Variants in OSBPL6 observed in about 807,000 individuals in gnomAD.
OSBPL6 encodes the protein oxysterol-binding protein-related protein 6.
A neutral mutation model predicts 125.8 loss-of-function variants in OSBPL6; 49 were observed. The ratio of observed to expected loss-of-function variants is 0.39; its 90% CI spans 0.31 to 0.49. The LOEUF is 0.49. OSBPL6 is among the 20% of genes least tolerant of loss of function. The pLI, the probability that OSBPL6 is intolerant of heterozygous loss-of-function variation, is 0.88. For synonymous variants in OSBPL6, 394 were observed against 391.8 expected, an observed-to-expected ratio of 1.01 and a Z score of -0.07; for missense variants, 986 against 1,135.4, an observed-to-expected ratio of 0.87 and a Z score of 1.89.
intron 23 of OSBPL6, among the ~76,000 whole-genome samples, chr2:178,393,483 A>G (rs1695589099): frequency 6.6e-6 from 1 of 152,172 alleles, no homozygotes; most frequent in Non-Finnish European, 1.5e-5. Flanking sequence ...TCTGTTTCCC[A>G]TGTATTTGTG....
At chr2:178,342,811 T>C (rs1190986008) in intron 11 of OSBPL6, among the ~76,000 whole-genome samples, 1 of 152,126 alleles carries the variant, frequency 6.6e-6, no homozygotes, top group Admixed American at 6.6e-5. Flanking sequence ...TCCCTGGATG[T>C]TGAAGGGAAT....
intron 19 of OSBPL6, 142 bp downstream of exon 19, chr2:178,385,663 A>G: frequency 1.1e-5 from 7 of 653,742 alleles, no homozygotes; most frequent in Non-Finnish European, 1.8e-5. Flanking sequence ...GCTCATTTTG[A>G]GAAATCAAAA....
chr2:178,361,674 C>T lies in OSBPL6; in HGVS notation c.1154-8C>T, dbSNP rs186279644. The T allele has an allele frequency of 1.3e-5, 21 of 1,612,824 alleles. No homozygotes were observed. The East Asian group carries it at 4.7e-4, about 36-fold the overall frequency. On this transcript the variant is annotated splice_region_variant and splice_polypyrimidine_tract_variant and intron_variant, in intron 12 of 24. Transcript: ENST00000190611. ...TGACAGTTTTTTCTCACTTTTCTCC[C>T]CACCCAGTGCATTCTCTTTTGAAGT... is the stretch of plus-strand genomic sequence containing the variant.
Position 178,284,917 on chromosome 2 carries a change from T to C in OSBPL6, c.-350-10T>C, listed in dbSNP as rs1407122140. 7.5e-6 allele frequency: 3 copies of C among 397,562 alleles called. No homozygotes were observed. The highest frequency in any genetic ancestry group is 1.3e-5 in the Non-Finnish European group (3 of 225,588). The allele number at this position is 397,562 out of a possible 1,614,324, so 24.6% of individuals were successfully genotyped here. The stretch of plus-strand genomic sequence containing the variant: ...AGATGTACTATATGACTGTAATCTC[T>C]CTTTTTCAGGTTCTGCCACTTGCTG... On this transcript the variant is annotated splice_polypyrimidine_tract_variant and intron_variant, in intron 1 of 24. Coordinates refer to ENST00000190611, the MANE Select transcript of OSBPL6 (RefSeq NM_032523.4).
At chr2:178,217,695 G>A (rs925515435) in intron 1 of OSBPL6, among the ~76,000 whole-genome samples, 1 of 152,276 alleles carries the variant, frequency 6.6e-6, no homozygotes, top group South Asian at 2.1e-4. Flanking sequence ...CATAGGGAAG[G>A]CTGGTTGCCC....
intron 1 of OSBPL6, among the ~76,000 whole-genome samples, chr2:178,259,102 G>T (rs2091975802): frequency 6.6e-6 from 1 of 152,200 alleles, no homozygotes; most frequent in Admixed American, 6.5e-5. Flanking sequence ...TCTGAAGGTT[G>T]TTGTTGGAGG....
In OSBPL6 at chr2:178,373,979, C is replaced by A. The variant is rs1693641427; in HGVS notation, c.1485C>A (p.Phe495Leu). The A allele has an allele frequency of 1.2e-6, 2 of 1,614,140 alleles. No individual in the cohort carries two copies. Among genetic ancestry groups the A allele is most frequent in the Non-Finnish European group, 8.5e-7 (1 of 1,179,976 alleles). The change falls in exon 15 of 25, where the codon TTC becomes TTA. Residue 495 changes from phenylalanine to leucine, a missense_variant. Around this residue, in one of 3 missense-constraint regions of OSBPL6, gnomAD observed 843 missense variants for 997.3 expected, o/e 0.85. Transcript: ENST00000190611. ...RLSMSESVSE[F>L]FDAQEVLLSA... is the part of the protein sequence containing the mutation. Reference sequence around the variant, plus strand: ...CCATGTCAGAGTCTGTTTCTGAGTTCTTTGATGCCCAAGAGGTGCTCCTCT... The same window carrying A: ...CCATGTCAGAGTCTGTTTCTGAGTTATTTGATGCCCAAGAGGTGCTCCTCT...
chr2:178,329,655 G>C (rs1356569279), intron 5 of OSBPL6, among the ~76,000 whole-genome samples: 1 of 151,998 alleles, frequency 6.6e-6, no homozygotes. Flanking sequence ...TCAAACTCCT[G>C]ACCTCATGAT....
At chr2:178,211,252 A>G (rs145853407) in intron 1 of OSBPL6, among the ~76,000 whole-genome samples, 15 of 152,360 alleles carry the variant, frequency 9.8e-5, no homozygotes, top group African/African-American at 3.6e-4. Flanking sequence ...CTTGGGCTAC[A>G]GAGTGAGATC....
Position 178,336,346 on chromosome 2 carries a change from A to G in OSBPL6, c.703A>G (p.Asn235Asp). The G allele has an allele frequency of 6.2e-7, 1 of 1,614,146 alleles. No individual in the cohort carries two copies. Among genetic ancestry groups the G allele is most frequent in the Non-Finnish European group, 8.5e-7 (1 of 1,180,002 alleles). ...GTGGCAGTCCCCTTTACCATGCAGC[A>G]ATAGCCTCCCTGCAACGTGCACAAC... Reference protein sequence around the residue: ...FPWQSPLPCSNSLPATCTTGQ... With the variant: ...FPWQSPLPCSDSLPATCTTGQ... The change falls in exon 9 of 25, where the codon AAT becomes GAT. Residue 235 changes from asparagine to aspartate, a missense_variant. Around this residue, in one of 3 missense-constraint regions of OSBPL6, gnomAD observed 843 missense variants for 997.3 expected, o/e 0.85. Transcript: ENST00000190611.
chr2:178,294,678 A>G (rs1685574697), intron 2 of OSBPL6, among the ~76,000 whole-genome samples: 1 of 151,444 alleles, frequency 6.6e-6, no homozygotes, highest in Non-Finnish European at 1.5e-5. Flanking sequence ...GAAAATTCTA[A>G]GTCAAACCAT....
At position 178,197,141 on chromosome 2, in the gene OSBPL6, G is replaced by C. The variant is rs562089885; in HGVS notation, c.-351+2467G>C. Among the ~76,000 whole-genome samples the C allele has an allele frequency of 2.4e-4, 36 of 151,624 alleles. 1 individual carries two copies. The South Asian group carries it at 3.7e-3, about 16-fold the overall frequency. ...TACCAAGGAATAAAATTGCTGGTTT[G>C]TAGGTTATGTGAATATTCAACTTAT... On this transcript the variant is annotated intron_variant, in intron 1 of 24. Coordinates refer to ENST00000190611, the MANE Select transcript of OSBPL6 (RefSeq NM_032523.4).
In OSBPL6 at chr2:178,226,417, A is replaced by G. The variant is rs192594496; in HGVS notation, c.-351+31743A>G. ...CTTCCTGGAGCCCAGAGAAGGGCAG[A>G]GAAGGCTAGACAATGGGTCTGGGGT... is the stretch of plus-strand genomic sequence containing the variant. On this transcript the variant is annotated intron_variant, in intron 1 of 24. Coordinates refer to ENST00000190611, the MANE Select transcript of OSBPL6 (RefSeq NM_032523.4). Among the ~76,000 whole-genome samples the G allele has an allele frequency of 1.1e-4, 16 of 152,352 alleles. No individual in the cohort carries two copies. The East Asian group carries it at 1.5e-3, about 15-fold the overall frequency.
At chr2:178,235,248 G>A (rs1346800438) in intron 1 of OSBPL6, among the ~76,000 whole-genome samples, 5 of 152,016 alleles carry the variant, frequency 3.3e-5, no homozygotes, top group African/African-American at 1.2e-4. Context: ...GAATACTTTG[G>A]TGGAGGGGTT....
At chr2:178,325,507 G>A (rs1057133691) in intron 4 of OSBPL6, among the ~76,000 whole-genome samples, 6 of 152,166 alleles carry the variant, frequency 3.9e-5, no homozygotes, top group Admixed American at 1.3e-4. Context: ...TTTGAATAGC[G>A]AGTACAGACT....
At chr2:178,269,999 C>A (rs1384843363) in intron 1 of OSBPL6, among the ~76,000 whole-genome samples, 1 of 152,164 alleles carries the variant, frequency 6.6e-6, no homozygotes, top group Non-Finnish European at 1.5e-5. Flanking sequence ...TCAGGCAGGG[C>A]GGACGATAAC....
At chr2:178,263,635 C>T (rs772480973) in intron 1 of OSBPL6, among the ~76,000 whole-genome samples, 15 of 152,156 alleles carry the variant, frequency 9.9e-5, no homozygotes, top group Non-Finnish European at 1.3e-4. Context: ...GAAACCCAGA[C>T]ATCTGACTCT....
chr2:178,217,362 G>A (rs1170698628), intron 1 of OSBPL6, among the ~76,000 whole-genome samples: 8 of 152,212 alleles, frequency 5.3e-5, no homozygotes, highest in African/African-American at 9.6e-5. Context: ...TACCATGAAT[G>A]ATCCTGAACT....
At chr2:178,209,553 G>A (rs1163775872) in intron 1 of OSBPL6, among the ~76,000 whole-genome samples, 1 of 150,660 alleles carries the variant, frequency 6.6e-6, no homozygotes, top group Non-Finnish European at 1.5e-5. Flanking sequence ...GGAAACCTCG[G>A]TGTCCTCCAA....
Sources: gnomAD v4.1 joint callset for allele counts (sites outside exome capture counted in the v4.1 genomes callset) on GRCh38, gnomAD v4.1.1 for gene constraint, gnomAD v4.1.1 regional missense constraint, MANE v1.5 for transcripts, NCBI Gene and HGNC (gene_info 2026-07-23, HGNC 2026-07-21) for gene names.